The following ADGRL3 variants were observed in gnomAD, a reference collection of about 807,000 sequenced individuals.
ADGRL3 encodes adhesion G protein-coupled receptor L3, also known as calcium-independent alpha-latrotoxin receptor 3.
In ADGRL3, 62 loss-of-function variants were observed where a neutral mutation model predicts 153.5. That is an observed-to-expected ratio of 0.40 (90% CI 0.33 to 0.50). The LOEUF is 0.50. ADGRL3 is among the 20% of genes least tolerant of loss of function. The probability of loss-of-function intolerance (pLI) is 0.47; values close to 1 mark genes in which losing one functional copy is unlikely to be tolerated. For synonymous variants in ADGRL3, 710 were observed against 672.5 expected, an observed-to-expected ratio of 1.06 and a Z score of -0.86; for missense variants, 1,641 against 1,859.4, an observed-to-expected ratio of 0.88 and a Z score of 2.16.
At chr4:61,325,951 A>G (rs1334400405) in intron 1 of ADGRL3, among the ~76,000 whole-genome samples, 1 of 152,176 alleles carries the variant, frequency 6.6e-6, no homozygotes, top group Non-Finnish European at 1.5e-5. Flanking sequence ...ATAGCGTATT[A>G]AGAAATATGG....
intron 25 of ADGRL3, among the ~76,000 whole-genome samples, chr4:62,057,084 A>G (rs1401311716): frequency 6.6e-6 from 1 of 152,142 alleles, no homozygotes; most frequent in African/African-American, 2.4e-5. Context: ...AGAACTTTTC[A>G]GTATACTTTT....
chr4:61,540,481 G>A (rs2098683211), intron 4 of ADGRL3, among the ~76,000 whole-genome samples: 1 of 151,954 alleles, frequency 6.6e-6, no homozygotes, highest in South Asian at 2.1e-4. Flanking sequence ...CCCACAAGGC[G>A]GAGGTGCAGT....
intron 2 of ADGRL3, among the ~76,000 whole-genome samples, chr4:61,470,786 T>C (rs903805184): frequency 1.3e-5 from 2 of 151,934 alleles, no homozygotes; most frequent in Non-Finnish European, 2.9e-5. Context: ...TGATAATTCC[T>C]ACAAAGATTT....
intron 6 of ADGRL3, among the ~76,000 whole-genome samples, chr4:61,724,223 G>T (rs987380584): frequency 6.6e-6 from 1 of 152,162 alleles, no homozygotes; most frequent in Non-Finnish European, 1.5e-5. Context: ...AGAAGCAAAT[G>T]TTGTATCAAC....
chr4:61,225,021 T>A (rs1469507511), intron 1 of ADGRL3, among the ~76,000 whole-genome samples: 2 of 152,220 alleles, frequency 1.3e-5, no homozygotes, highest in Non-Finnish European at 2.9e-5. Flanking sequence ...CTTTTATGCT[T>A]CCTTAATTCT....
intron 1 of ADGRL3, among the ~76,000 whole-genome samples, chr4:61,326,134 G>T (rs578021121): frequency 6.6e-6 from 1 of 152,228 alleles, no homozygotes; most frequent in East Asian, 1.9e-4. Flanking sequence ...TGAGTGAGAT[G>T]TTCAGTGCAT....
rs368701493 is a variant in ADGRL3, at chr4:61,713,852, A to G, written c.584-16770A>G. Among the ~76,000 whole-genome samples, 8 of 152,330 alleles carry G rather than the reference A, an allele frequency of 5.3e-5. No homozygotes were observed. The East Asian group carries it at 1.5e-3, about 29-fold the overall frequency. ...CTTCGAATAAATGTTATATCACAAA[A>G]TGAAGTAGGAGAAAAGAATTATTAC... On this transcript the variant is annotated intron_variant, in intron 6 of 26. Transcript: ENST00000683033.
At chr4:61,798,287 C>G (rs1475686570) in intron 8 of ADGRL3, among the ~76,000 whole-genome samples, 2 of 152,102 alleles carry the variant, frequency 1.3e-5, no homozygotes, top group Non-Finnish European at 2.9e-5. Flanking sequence ...TTCTGAGTCC[C>G]CTAGTATGTG....
intron 2 of ADGRL3, among the ~76,000 whole-genome samples, chr4:61,472,229 C>T (rs755254111): frequency 8.5e-5 from 13 of 152,102 alleles, no homozygotes; most frequent in Non-Finnish European, 1.6e-4. Flanking sequence ...ATTCCTGGGA[C>T]GAGATGTTAT....
Position 62,075,512 on chromosome 4 carries a change from T to A in ADGRL3, c.*4604T>A, listed in dbSNP as rs1010657793. 6.6e-6 allele frequency: 1 copy of A among 152,188 alleles called. No homozygotes were observed. The highest frequency in any genetic ancestry group is 2.4e-5 in the African/African-American group (1 of 41,454). 9.4% of individuals were successfully genotyped at this position (152,188 alleles called of 1,614,324 possible). ...ATATCCTTTCTTCTCTAAGAAAATT[T>A]TTGAGATAACAATATATATGAAGTT... On this transcript the variant is annotated 3_prime_UTR_variant, in exon 27 of 27. Transcript: ENST00000683033.
In ADGRL3 at chr4:61,358,174, TTTC is replaced by T. The variant is rs535489457; in HGVS notation, c.-239-24947_-239-24945del. ...AATTCTCAGTTCCCATTTTACTTTA[TTTC>T]TTATTATAAACTACTGGCCACCTAT... On this transcript the variant is annotated intron_variant, in intron 1 of 26. Transcript: ENST00000683033. 7.0e-4 allele frequency among the ~76,000 whole-genome samples: 106 copies of T among 152,356 alleles called. 3 individuals are homozygous for T. In the South Asian group the frequency reaches 0.021, roughly 31 times the overall value.
chr4:61,880,029 C>A (rs575638517), intron 9 of ADGRL3, among the ~76,000 whole-genome samples: 2 of 152,216 alleles, frequency 1.3e-5, no homozygotes, highest in East Asian at 3.9e-4. Context: ...CCCAGCTACT[C>A]TATTAATTTA....
At chr4:61,558,753 T>C (rs971433292) in intron 4 of ADGRL3, among the ~76,000 whole-genome samples, 4 of 152,028 alleles carry the variant, frequency 2.6e-5, no homozygotes, top group African/African-American at 7.2e-5. Flanking sequence ...ATCATCGTTA[T>C]TCAAGTTTTT....
chr4:61,870,899 T>A (rs1307491616), intron 9 of ADGRL3, among the ~76,000 whole-genome samples: 1 of 152,100 alleles, frequency 6.6e-6, no homozygotes, highest in African/African-American at 2.4e-5. Context: ...CCTCAAGTGG[T>A]TAAACATAGC....
At chr4:61,950,330 T>A (rs144914822) in intron 17 of ADGRL3, among the ~76,000 whole-genome samples, 11 of 151,996 alleles carry the variant, frequency 7.2e-5, no homozygotes, top group Non-Finnish European at 1.0e-4. Context: ...TGTGGGAAAA[T>A]TGAATAAGTA....
rs545742384 is a variant in ADGRL3 at position 61,813,516 on chromosome 4, T to G, written c.1400-293T>G. On this transcript the variant is annotated intron_variant, in intron 8 of 26. Coordinates refer to ENST00000683033, the MANE Select transcript of ADGRL3 (RefSeq NM_001387552.1). ...TTTTATATGTCTTTGCTTTGAGTTT[T>G]TTTTCTTATAACTCATTTTTATTGT... 2.6e-4 allele frequency among the ~76,000 whole-genome samples: 40 copies of G among 152,346 alleles called. 2 individuals carry two copies. The East Asian group carries it at 7.3e-3, about 28-fold the overall frequency.
intron 1 of ADGRL3, among the ~76,000 whole-genome samples, chr4:61,343,669 AAT>A (rs1308959767): frequency 6.6e-6 from 1 of 152,198 alleles, no homozygotes; most frequent in Non-Finnish European, 1.5e-5. Flanking sequence ...TCCACAGTCA[AAT>A]GAGTTTGGCA....
intron 4 of ADGRL3, among the ~76,000 whole-genome samples, chr4:61,567,259 C>T (rs531262641): frequency 6.6e-6 from 1 of 152,302 alleles, no homozygotes; most frequent in African/African-American, 2.4e-5. Flanking sequence ...GCTGCACTAA[C>T]TTCTAAATCA....
At chr4:61,555,241 G>A (rs1479489097) in intron 4 of ADGRL3, among the ~76,000 whole-genome samples, 1 of 152,072 alleles carries the variant, frequency 6.6e-6, no homozygotes, top group Non-Finnish European at 1.5e-5. Flanking sequence ...TTTGGGGATG[G>A]CATATTTTGA....
Sources: gnomAD v4.1 joint callset for allele counts (sites outside exome capture counted in the v4.1 genomes callset) on GRCh38, gnomAD v4.1.1 for gene constraint, MANE v1.5 for transcripts, NCBI Gene and HGNC (gene_info 2026-07-23, HGNC 2026-07-21) for gene names.